GALNT15: variants seen among roughly 807,000 people sequenced by gnomAD.
GALNT15 encodes UDP-GalNAc transferase T15.
A neutral mutation model predicts 66.8 loss-of-function variants in GALNT15; 67 were observed. The observed-to-expected ratio is 1.00, with a 90% CI of 0.82 to 1.23. GALNT15 has a LOEUF of 1.23. GALNT15 is among the 50% of genes most tolerant of loss of function. The pLI is 0.00. For synonymous variants in GALNT15, 313 were observed against 311.5 expected (o/e 1.00, Z -0.05); for missense variants, 827 against 804.3 (o/e 1.03, Z -0.34).
chr3:16,207,056 C>A (rs1272625173), intron 3 of GALNT15, among the ~76,000 whole-genome samples: 1 of 152,084 alleles, frequency 6.6e-6, no homozygotes, highest in Non-Finnish European at 1.5e-5. Context: ...CCAGCAGAAA[C>A]AATGTGAAAG....
At chr3:16,241,816 G>T in the GALNT15 span, among the ~76,000 whole-genome samples, 1 of 152,136 alleles carries the variant, frequency 6.6e-6, no homozygotes, top group South Asian at 2.1e-4. This position sits in a 1 kb window ranked among gnomAD's most constrained non-coding sequence, Gnocchi z 4.6. Context: ...CCAAAGTGCT[G>T]GGATTACAGC....
At chr3:16,245,159 T>C in the GALNT15 span, among the ~76,000 whole-genome samples, 4 of 152,216 alleles carry the variant, frequency 2.6e-5, no homozygotes, top group Non-Finnish European at 5.9e-5. Context: ...CAACGCATCC[T>C]GTATATTTTT....
chr3:16,211,106 C>A lies in GALNT15; in HGVS notation c.1080-18C>A, dbSNP rs2063809335. On this transcript the variant is annotated intron_variant, in intron 4 of 9. Transcript: ENST00000339732. The surrounding 1 kb of genome is among the most constrained non-coding windows in gnomAD (Gnocchi z 4.3). ...CTGGGTTCTGAACTGCAGTGTCCTGCCTGTCTTCTGTGTCCAGGAGCCCTG... is the reference window on the plus strand; with the variant it reads ...CTGGGTTCTGAACTGCAGTGTCCTGACTGTCTTCTGTGTCCAGGAGCCCTG... 2 of 1,582,856 alleles carry A rather than the reference C, an allele frequency of 1.3e-6. No homozygotes were observed. Among genetic ancestry groups the A allele is most frequent in the African/African-American group, 1.3e-5 (1 of 74,316 alleles).
At chr3:16,223,794 G>A (rs986185688) in intron 9 of GALNT15, among the ~76,000 whole-genome samples, 1 of 150,960 alleles carries the variant, frequency 6.6e-6, no homozygotes, top group African/African-American at 2.4e-5. Flanking sequence ...CCAGGTTCAA[G>A]CGATTCTTGT....
chr3:16,211,032 TG>T lies in GALNT15; in HGVS notation c.1080-90del. On this transcript the variant is annotated intron_variant, in intron 4 of 9. Coordinates refer to ENST00000339732, the MANE Select transcript of GALNT15 (RefSeq NM_054110.5). The surrounding 1 kb of genome is among the most constrained non-coding windows in gnomAD (Gnocchi z 4.3). The stretch of plus-strand genomic sequence containing the variant: ...GCCTAAAGCCTGTTCTCTCAGCCAC[TG>T]GAGCTCCCACCTGGGAAGCCCCAGC... 1 of 860,440 alleles carries T rather than the reference TG, an allele frequency of 1.2e-6. No individual in the cohort carries two copies. The highest frequency in any genetic ancestry group is 2.0e-6 in the Non-Finnish European group (1 of 511,980). 53.3% of individuals were successfully genotyped at this position (860,440 alleles called of 1,614,324 possible). A position where few individuals can be genotyped will look rare whatever the true frequency, so the allele number is the denominator to read the frequency against.
At position 16,203,581 on chromosome 3, in the gene GALNT15, ACACACACAGT is replaced by A. The variant is rs2063726960; in HGVS notation, c.911+2759_911+2768del. ...CACACACACACACACACACACACAC[ACACACACAGT>A]GGGCCTCTGATCCTGGTGTGTTACT... On this transcript the variant is annotated intron_variant, in intron 3 of 9. Coordinates refer to ENST00000339732, the MANE Select transcript of GALNT15 (RefSeq NM_054110.5). The surrounding 1 kb of genome is among the most constrained non-coding windows in gnomAD (Gnocchi z 6.2). 1.5e-5 allele frequency among the ~76,000 whole-genome samples: 2 copies of A among 129,310 alleles called. No individual in the cohort carries two copies. The highest frequency in any genetic ancestry group is 7.9e-5 in the Admixed American group (1 of 12,620). The allele number at this position is 129,310 out of a possible 152,430, so 84.8% of individuals were successfully genotyped here.
intron 9 of GALNT15, among the ~76,000 whole-genome samples, chr3:16,223,823 G>T (rs949667488): frequency 2.0e-5 from 3 of 151,494 alleles, no homozygotes; most frequent in African/African-American, 7.3e-5. Context: ...CTGCTGAATA[G>T]CTAGGATTGC....
Position 16,175,505 on chromosome 3 carries a change from C to T in GALNT15, c.354C>T (p.Arg118=), listed in dbSNP as rs751649156. The T allele has an allele frequency of 1.9e-6, 3 of 1,613,960 alleles. No individual in the cohort carries two copies. Among genetic ancestry groups the T allele is most frequent in the African/African-American group, 1.3e-5 (1 of 75,032 alleles). The change falls in exon 1 of 10, where the codon CGC becomes CGT. Residue 118 remains arginine (R), a synonymous_variant. Coordinates refer to ENST00000339732, the MANE Select transcript of GALNT15 (RefSeq NM_054110.5). This position sits in a 1 kb window ranked among gnomAD's most constrained non-coding sequence, Gnocchi z 5.6. ...AGGGCAGGAGAGGTGGGAGCTACCG[C>T]CTCATCAAGCAGCCAAGGAGGCAGG... ...QSQGRRGGSY[R]LIKQPRRQDK...
intron 1 of GALNT15, among the ~76,000 whole-genome samples, chr3:16,192,020 G>A (rs957953917): frequency 1.3e-5 from 2 of 152,130 alleles, no homozygotes; most frequent in African/African-American, 4.8e-5. Flanking sequence ...CTCTCAATGG[G>A]CCTAAAGGGT....
At chr3:16,220,486 TTCTTC>T (rs1218366539) in intron 8 of GALNT15, among the ~76,000 whole-genome samples, 7 of 152,170 alleles carry the variant, frequency 4.6e-5, no homozygotes, top group Non-Finnish European at 8.8e-5. Context: ...TTAGGAGTAA[TTCTTC>T]TCTTCAAAAT....
At chr3:16,210,201 A>G (rs1218892023) in intron 4 of GALNT15, among the ~76,000 whole-genome samples, 4 of 152,180 alleles carry the variant, frequency 2.6e-5, no homozygotes, top group Non-Finnish European at 1.5e-5. Context: ...ATGAAACACT[A>G]TTTTATCCCC....
Position 16,191,882 on chromosome 3 carries a change from T to G in GALNT15, c.540-3878T>G, listed in dbSNP as rs2124854905. ...CTCATGCTATACTGTAGAATAGTTGTTTAAAGATAGCTATAATTTGCAAAG... is the reference window on the plus strand; with the variant it reads ...CTCATGCTATACTGTAGAATAGTTGGTTAAAGATAGCTATAATTTGCAAAG... On this transcript the variant is annotated intron_variant, in intron 1 of 9. Transcript: ENST00000339732. This position sits in a 1 kb window ranked among gnomAD's most constrained non-coding sequence, Gnocchi z 5.2. 6.6e-6 allele frequency among the ~76,000 whole-genome samples: 1 copy of G among 152,348 alleles called. No homozygotes were observed. The highest frequency in any genetic ancestry group is 1.9e-4 in the East Asian group (1 of 5,188).
intron 3 of GALNT15, among the ~76,000 whole-genome samples, chr3:16,202,501 C>T (rs1030951144): frequency 3.9e-5 from 6 of 152,158 alleles, no homozygotes; most frequent in East Asian, 1.9e-4. Flanking sequence ...GGTGTGGTAG[C>T]GTGCGCCTGT....
chr3:16,200,544 T>G lies in GALNT15; in HGVS notation c.707-75T>G. 8.2e-7 allele frequency: 1 copy of G among 1,216,030 alleles called. No homozygotes were observed. Among genetic ancestry groups the G allele is most frequent in the East Asian group, 2.7e-5 (1 of 36,730 alleles). The allele number at this position is 1,216,030 out of a possible 1,614,324, so 75.3% of individuals were successfully genotyped here. On this transcript the variant is annotated intron_variant, in intron 2 of 9. Transcript: ENST00000339732. The surrounding 1 kb of genome is among the most constrained non-coding windows in gnomAD (Gnocchi z 4.4). ...ACCACAGCTTCCAAAAGAGAGTTGC[T>G]GACGATTGTCTTAGTCACAATCTCA...
downstream of GALNT15, among the ~76,000 whole-genome samples, chr3:16,232,827 A>G (rs550619076): frequency 5.3e-5 from 8 of 151,834 alleles, no homozygotes; most frequent in South Asian, 1.7e-3. Flanking sequence ...GGACCATGTT[A>G]AAGTGCAGAT....
At chr3:16,240,191 A>G in the GALNT15 span, among the ~76,000 whole-genome samples, 1 of 152,262 alleles carries the variant, frequency 6.6e-6, no homozygotes, top group Non-Finnish European at 1.5e-5. Flanking sequence ...AAGTTTCTGG[A>G]TGATATGTTC....
At position 16,188,251 on chromosome 3, in the gene GALNT15, C is replaced by T. The variant is rs1433501263; in HGVS notation, c.540-7509C>T. 6.6e-6 allele frequency among the ~76,000 whole-genome samples: 1 copy of T among 152,120 alleles called. No homozygotes were observed. The highest frequency in any genetic ancestry group is 1.5e-5 in the Non-Finnish European group (1 of 68,030). On this transcript the variant is annotated intron_variant, in intron 1 of 9. Coordinates refer to ENST00000339732, the MANE Select transcript of GALNT15 (RefSeq NM_054110.5). This position sits in a 1 kb window ranked among gnomAD's most constrained non-coding sequence, Gnocchi z 4.6. ...TGTGGGTGAAGGAAGAGGAATCTTC[C>T]CCAGTGGTGGAAGTGAGAAGTTACA... is the stretch of plus-strand genomic sequence containing the variant.
intron 8 of GALNT15, among the ~76,000 whole-genome samples, chr3:16,221,257 T>TTA (rs2063939651): frequency 8.7e-5 from 1 of 11,484 alleles, no homozygotes; most frequent in Non-Finnish European, 1.4e-4. Flanking sequence ...TTTCTTGTTC[T>TTA]TTTTTTTTTT....
intron 1 of GALNT15, among the ~76,000 whole-genome samples, chr3:16,177,147 G>T (rs1370799066): frequency 6.6e-6 from 1 of 152,204 alleles, no homozygotes; most frequent in Non-Finnish European, 1.5e-5. Flanking sequence ...CCCCTTAGAA[G>T]GTCAGGACTG....
Sources: allele counts gnomAD v4.1 joint callset (sites outside exome capture counted in the v4.1 genomes callset), GRCh38; gene constraint gnomAD v4.1.1; non-coding constraint Gnocchi (gnomAD v3.1); transcripts MANE v1.5; gene names NCBI Gene and HGNC (gene_info 2026-07-23, HGNC 2026-07-21).